RORA: variants seen among roughly 807,000 people sequenced by gnomAD.
RORA encodes RAR related orphan receptor A.
A neutral mutation model predicts 69.5 loss-of-function variants in RORA; 7 were observed. The ratio of observed to expected loss-of-function variants is 0.10; its 90% CI spans 0.06 to 0.19. The LOEUF is 0.19. Among genes scored for constraint, RORA ranks in the 10% least tolerant of loss-of-function variants. The pLI is 1.00. For synonymous variants in RORA, 261 were observed against 240.8 expected (o/e 1.08, Z -0.78); for missense variants, 457 against 663.0 (o/e 0.69, Z 3.41).
At chr15:60,529,594 G>A (rs1345464697) in intron 3 of RORA, 1 of 152,232 alleles carries the variant, frequency 6.6e-6, no homozygotes, top group African/African-American at 2.4e-5. Context: ...CTTTGGCACT[G>A]AGGAGGTATG....
intron 1 of RORA, among the ~76,000 whole-genome samples, chr15:61,121,380 C>T (rs2079102846): frequency 6.6e-6 from 1 of 152,178 alleles, no homozygotes; most frequent in Non-Finnish European, 1.5e-5. Flanking sequence ...CATCAAATGA[C>T]TTTTGTAGCC....
chr15:60,856,323 C>T (rs1395861228), intron 1 of RORA, among the ~76,000 whole-genome samples: 3 of 152,260 alleles, frequency 2.0e-5, no homozygotes, highest in East Asian at 1.9e-4. Context: ...TTTTCTTTTC[C>T]TCTCAACCCT....
At chr15:60,586,258 A>G (rs955394232) in intron 2 of RORA, among the ~76,000 whole-genome samples, 2 of 152,204 alleles carry the variant, frequency 1.3e-5, no homozygotes, top group African/African-American at 2.4e-5. Flanking sequence ...CTGCCTCTTT[A>G]CTATGTGCTG....
chr15:60,762,013 A>T (rs529289435), intron 1 of RORA, among the ~76,000 whole-genome samples: 2 of 152,224 alleles, frequency 1.3e-5, no homozygotes, highest in South Asian at 4.1e-4. Flanking sequence ...CATCTGCAAG[A>T]ATTTTATCTT....
chr15:60,786,531 G>A (rs147490248), intron 1 of RORA, among the ~76,000 whole-genome samples: 1 of 152,306 alleles, frequency 6.6e-6, no homozygotes, highest in African/African-American at 2.4e-5. Context: ...AGACAGAGAT[G>A]GGGCTACTCT....
At chr15:60,746,319 G>A (rs938093473) in intron 1 of RORA, among the ~76,000 whole-genome samples, 2 of 152,032 alleles carry the variant, frequency 1.3e-5, no homozygotes, top group Non-Finnish European at 2.9e-5. Flanking sequence ...TTTAATGAAT[G>A]GAGGTTTGAT....
rs34005203 is a variant in RORA at position 60,613,767 on chromosome 15, GA to G, written c.196+64889del. Reference sequence around the variant, plus strand: ...TAGGATTACAGCCACAAAGTCACCTGAAAAAAAAAAAAGGTGTCAAAGGGAA... The same window carrying G: ...TAGGATTACAGCCACAAAGTCACCTGAAAAAAAAAAAGGTGTCAAAGGGAA... On this transcript the variant is annotated intron_variant, in intron 2 of 10. Transcript: ENST00000335670. 5.1e-3 allele frequency among the ~76,000 whole-genome samples: 638 copies of G among 124,552 alleles called. 7 individuals carry two copies. Among genetic ancestry groups the G allele is most frequent in the African/African-American group, 0.015 (522 of 34,170 alleles). 81.7% of individuals were successfully genotyped at this position (124,552 alleles called of 152,430 possible). A position where few individuals can be genotyped will look rare whatever the true frequency, so the allele number is the denominator to read the frequency against.
chr15:60,686,349 C>T (rs2070748352), intron 1 of RORA, among the ~76,000 whole-genome samples: 1 of 152,168 alleles, frequency 6.6e-6, no homozygotes, highest in South Asian at 2.1e-4. Context: ...ACGAAAAGTC[C>T]ATATGTAAGG....
intron 5 of RORA, among the ~76,000 whole-genome samples, chr15:60,508,952 A>G (rs1459313314): frequency 6.6e-6 from 1 of 152,242 alleles, no homozygotes; most frequent in Non-Finnish European, 1.5e-5. Flanking sequence ...ATTTTTCACT[A>G]AAAGTAATAG....
At chr15:60,910,471 A>G (rs954623997) in intron 1 of RORA, among the ~76,000 whole-genome samples, 3 of 152,246 alleles carry the variant, frequency 2.0e-5, no homozygotes, top group Non-Finnish European at 4.4e-5. Flanking sequence ...TAAATAGAGT[A>G]GAGCATTTTA....
chr15:60,848,977 T>C (rs533060179), intron 1 of RORA: 1 of 152,346 alleles, frequency 6.6e-6, no homozygotes, highest in South Asian at 2.1e-4. Context: ...AATACATTCA[T>C]ATTGTTCTAA....
intron 1 of RORA, among the ~76,000 whole-genome samples, chr15:61,148,163 G>T (rs1290178856): frequency 6.6e-6 from 1 of 152,190 alleles, no homozygotes; most frequent in Admixed American, 6.5e-5. Flanking sequence ...GGCTAAAAGA[G>T]GAGCCACTGA....
chr15:60,782,019 G>T (rs1003959859), intron 1 of RORA, among the ~76,000 whole-genome samples: 1 of 152,240 alleles, frequency 6.6e-6, no homozygotes, highest in Non-Finnish European at 1.5e-5. Flanking sequence ...GAGGTCAAGA[G>T]ATAGAGACCA....
intron 2 of RORA, among the ~76,000 whole-genome samples, chr15:60,570,763 A>G (rs8041381): frequency 0.41 from 61,836 of 152,034 alleles, 14,647 homozygotes; most frequent in African/African-American, 0.66. Context: ...AGAGGGTCAC[A>G]GTACAGTAGT....
At chr15:60,745,761 C>T (rs1428234965) in intron 1 of RORA, among the ~76,000 whole-genome samples, 2 of 152,176 alleles carry the variant, frequency 1.3e-5, no homozygotes, top group African/African-American at 4.8e-5. Flanking sequence ...GTGTGTTCAC[C>T]TGCTTCATTT....
chr15:61,070,983 T>C (rs1187417436), intron 1 of RORA, among the ~76,000 whole-genome samples: 1 of 151,690 alleles, frequency 6.6e-6, no homozygotes, highest in Non-Finnish European at 1.5e-5. Flanking sequence ...TTTTGCTCTC[T>C]CCTCTGTAAA....
intron 1 of RORA, among the ~76,000 whole-genome samples, chr15:60,790,974 G>A (rs2072408343): frequency 6.6e-6 from 1 of 151,156 alleles, no homozygotes; most frequent in Non-Finnish European, 1.5e-5. Context: ...CCCCCCCATT[G>A]CCCCCCCAAA....
At chr15:61,106,814 A>C (rs1399427697) in intron 1 of RORA, among the ~76,000 whole-genome samples, 1 of 152,228 alleles carries the variant, frequency 6.6e-6, no homozygotes, top group Non-Finnish European at 1.5e-5. Flanking sequence ...CAGGTTTAAC[A>C]CAAATGCATT....
intron 1 of RORA, among the ~76,000 whole-genome samples, chr15:61,103,893 C>T (rs2078915472): frequency 6.6e-6 from 1 of 152,090 alleles, no homozygotes; most frequent in African/African-American, 2.4e-5. Flanking sequence ...CAAAGAGAAC[C>T]AGCAACAAAC....
Sources: gnomAD v4.1 joint callset for allele counts (sites outside exome capture counted in the v4.1 genomes callset) on GRCh38, gnomAD v4.1.1 for gene constraint, MANE v1.5 for transcripts, NCBI Gene and HGNC (gene_info 2026-07-23, HGNC 2026-07-21) for gene names.